FSTL5: variants seen among roughly 807,000 people sequenced by gnomAD.
FSTL5 encodes the protein follistatin-related protein 5.
Under a neutral mutation model 89.1 loss-of-function variants are expected in FSTL5, and 62 were observed. That is an observed-to-expected ratio of 0.70 (90% CI 0.57 to 0.86). The LOEUF (loss-of-function observed/expected upper bound fraction) is 0.86, where lower values mean the gene tolerates loss of function less well. Ranked by LOEUF, FSTL5 falls within the 40% of genes least tolerant of loss-of-function variation. The probability of loss-of-function intolerance (pLI) is 0.00; values close to 1 mark genes in which losing one functional copy is unlikely to be tolerated. For missense variants in FSTL5, 1,057 were observed against 1,001.6 expected (o/e 1.06, Z -0.75); for synonymous variants, 383 against 346.2 (o/e 1.11, Z -1.18).
At chr4:161,550,910 A>C (rs1201894904) in intron 8 of FSTL5, among the ~76,000 whole-genome samples, 2 of 151,934 alleles carry the variant, frequency 1.3e-5, no homozygotes, top group African/African-American at 4.8e-5. Flanking sequence ...AAAGGACACG[A>C]ACTCATCATT....
Position 161,385,595 on chromosome 4 carries a change from C to T in FSTL5, c.*152G>A. 9 of 594,038 alleles carry T rather than the reference C, an allele frequency of 1.5e-5. No individual in the cohort carries two copies. Among genetic ancestry groups the T allele is most frequent in the Non-Finnish European group, 2.4e-5 (8 of 339,266 alleles). The allele number at this position is 594,038 out of a possible 1,614,324, so 36.8% of individuals were successfully genotyped here. ...TAATTAATTGTGTATGTCTTAGTCACTTAGTCAAAAACAATTTATTTTATT... is the reference window on the plus strand; with the variant it reads ...TAATTAATTGTGTATGTCTTAGTCATTTAGTCAAAAACAATTTATTTTATT... On this transcript the variant is annotated 3_prime_UTR_variant, in exon 16 of 16. Transcript: ENST00000306100.
intron 12 of FSTL5, among the ~76,000 whole-genome samples, chr4:161,483,341 C>T (rs768089837): frequency 2.0e-5 from 3 of 152,200 alleles, no homozygotes; most frequent in African/African-American, 7.2e-5. Context: ...ACAAATTCTT[C>T]GCCATTGCGT....
At chr4:162,103,714 G>A (rs142288527) in intron 2 of FSTL5, among the ~76,000 whole-genome samples, 6 of 152,182 alleles carry the variant, frequency 3.9e-5, no homozygotes, top group Non-Finnish European at 8.8e-5. Context: ...TGAGAGACAG[G>A]ACTAGCTGGA....
At chr4:162,067,004 C>T (rs1438532758) in intron 2 of FSTL5, among the ~76,000 whole-genome samples, 4 of 151,978 alleles carry the variant, frequency 2.6e-5, no homozygotes, top group African/African-American at 7.2e-5. Flanking sequence ...GGAATCGCCA[C>T]ACTGTCTTCC....
intron 4 of FSTL5, among the ~76,000 whole-genome samples, chr4:161,897,593 AAG>A (rs1229684975): frequency 1.1e-4 from 17 of 150,392 alleles, no homozygotes; most frequent in Non-Finnish European, 3.0e-5. Context: ...AAAAAAAAAA[AAG>A]AAAAAAAATA....
At chr4:161,714,992 C>T (rs972712757) in intron 6 of FSTL5, among the ~76,000 whole-genome samples, 1 of 151,886 alleles carries the variant, frequency 6.6e-6, no homozygotes, top group Non-Finnish European at 1.5e-5. Context: ...TAGAGCAGGA[C>T]TATTTTATAT....
At chr4:161,399,412 A>G (rs1304407907) in intron 15 of FSTL5, among the ~76,000 whole-genome samples, 1 of 152,168 alleles carries the variant, frequency 6.6e-6, no homozygotes, top group Non-Finnish European at 1.5e-5. Context: ...TTAGAAAATC[A>G]TAATGAAGAG....
intron 4 of FSTL5, among the ~76,000 whole-genome samples, chr4:161,880,614 T>A (rs889258749): frequency 2.6e-5 from 4 of 152,192 alleles, no homozygotes; most frequent in African/African-American, 9.6e-5. Flanking sequence ...ATAGCTGTTT[T>A]ACTCCTAATT....
intron 6 of FSTL5, among the ~76,000 whole-genome samples, chr4:161,679,426 A>G (rs1184366582): frequency 6.6e-6 from 1 of 151,750 alleles, no homozygotes; most frequent in African/African-American, 2.4e-5. Flanking sequence ...CAGGAAAAAA[A>G]AGTATGTAAC....
intron 3 of FSTL5, among the ~76,000 whole-genome samples, chr4:161,923,214 T>C (rs1253365704): frequency 6.6e-6 from 1 of 151,908 alleles, no homozygotes; most frequent in Non-Finnish European, 1.5e-5. Context: ...TGGAGCTTTC[T>C]GAATCTCTTT....
chr4:161,565,984 A>G (rs1254763672), intron 8 of FSTL5, among the ~76,000 whole-genome samples: 2 of 151,056 alleles, frequency 1.3e-5, no homozygotes, highest in Non-Finnish European at 3.0e-5. Context: ...TCTTTGAGAA[A>G]TCGCCACAGT....
intron 8 of FSTL5, among the ~76,000 whole-genome samples, chr4:161,543,195 A>T (rs2126545924): frequency 6.6e-6 from 1 of 152,190 alleles, no homozygotes; most frequent in African/African-American, 2.4e-5. Flanking sequence ...ATCAAAAAAT[A>T]AAATATTTAG....
chr4:161,759,964 T>C (rs1740729217), intron 5 of FSTL5, among the ~76,000 whole-genome samples: 1 of 152,242 alleles, frequency 6.6e-6, no homozygotes, highest in Non-Finnish European at 1.5e-5. Context: ...GTCCCAACTT[T>C]CTTCCTCATA....
intron 6 of FSTL5, among the ~76,000 whole-genome samples, chr4:161,715,668 A>C (rs936360389): frequency 6.6e-6 from 1 of 152,134 alleles, no homozygotes; most frequent in Non-Finnish European, 1.5e-5. Context: ...GTTCCATCTC[A>C]ATAGCTCCAC....
intron 3 of FSTL5, among the ~76,000 whole-genome samples, chr4:162,001,598 T>TTG (rs34546507): frequency 0.021 from 3,145 of 150,018 alleles, 119 homozygotes; most frequent in East Asian, 0.17. Context: ...GATACATGCA[T>TTG]TGTGTGTGTG....
intron 4 of FSTL5, among the ~76,000 whole-genome samples, chr4:161,891,048 T>C (rs1220369541): frequency 3.4e-5 from 5 of 147,902 alleles, no homozygotes; most frequent in Non-Finnish European, 6.0e-5. Context: ...AAAAATTCTA[T>C]AGTTCTCGAA....
Position 161,385,787 on chromosome 4 carries a change from A to T in FSTL5, c.2504T>A (p.Val835Asp). Reference protein sequence around the residue: ...LNKLNCEITEVEKGNTVIWVG... With the variant: ...LNKLNCEITEDEKGNTVIWVG... ...CCAAATGACTGTATTTCCTTTTTCA[A>T]CTTCAGTGATCTCACAGTTTAATTT... Residue 835 changes from valine (V) to aspartate (D), a missense_variant, in exon 16 of 16, where the codon GTT becomes GAT. Transcript: ENST00000306100. 1 of 1,606,966 alleles carries T rather than the reference A, an allele frequency of 6.2e-7. No homozygotes were observed. The highest frequency in any genetic ancestry group is 8.5e-7 in the Non-Finnish European group (1 of 1,177,932).
At chr4:162,025,270 C>T (rs1418632934) in intron 3 of FSTL5, among the ~76,000 whole-genome samples, 2 of 152,128 alleles carry the variant, frequency 1.3e-5, no homozygotes, top group Admixed American at 1.3e-4. Context: ...GTCAACACTT[C>T]TTGAACTCTA....
intron 9 of FSTL5, among the ~76,000 whole-genome samples, chr4:161,538,524 AGTTT>A (rs1455440482): frequency 1.3e-5 from 2 of 152,214 alleles, no homozygotes; most frequent in Admixed American, 6.5e-5. Context: ...TCAAATGCAT[AGTTT>A]ATGTTTTGTA....
Sources: allele counts gnomAD v4.1 joint callset (sites outside exome capture counted in the v4.1 genomes callset), GRCh38; gene constraint gnomAD v4.1.1; transcripts MANE v1.5; gene names NCBI Gene and HGNC (gene_info 2026-07-23, HGNC 2026-07-21).